Variants in DLG2 observed in about 807,000 individuals in gnomAD.
DLG2 encodes disks large homolog 2.
In DLG2, 45 loss-of-function variants were observed where a neutral mutation model predicts 132.5. That is an observed-to-expected ratio of 0.34 (90% CI 0.27 to 0.44). The LOEUF is 0.44. Among genes scored for constraint, DLG2 ranks in the 20% least tolerant of loss-of-function variants. DLG2 has a pLI of 1.00. For missense variants in DLG2, 1,045 were observed against 1,196.9 expected (o/e 0.87, Z 1.87); for synonymous variants, 424 against 419.6 (o/e 1.01, Z -0.13).
At chr11:85,538,032 C>T (rs541680952) in intron 3 of DLG2, among the ~76,000 whole-genome samples, 8 of 152,020 alleles carry the variant, frequency 5.3e-5, no homozygotes, top group South Asian at 4.1e-4. Flanking sequence ...AGGAGAATGG[C>T]GTGAACCCAG....
intron 6 of DLG2, among the ~76,000 whole-genome samples, chr11:85,048,806 A>G (rs142739203): frequency 5.1e-4 from 78 of 152,190 alleles, no homozygotes; most frequent in African/African-American, 1.8e-3. Context: ...AGATTAAAAA[A>G]TTACTTGCAT....
intron 14 of DLG2, among the ~76,000 whole-genome samples, chr11:83,959,119 T>C (rs781721493): frequency 4.6e-5 from 7 of 152,156 alleles, no homozygotes; most frequent in Non-Finnish European, 8.8e-5. Context: ...TACTAAGAGA[T>C]TGTATCCAAA....
At chr11:84,378,670 C>T (rs1278190829) in intron 7 of DLG2, among the ~76,000 whole-genome samples, 1 of 151,876 alleles carries the variant, frequency 6.6e-6, no homozygotes, top group East Asian at 1.9e-4. Flanking sequence ...GTGGCTCACA[C>T]CTGTAATCTC....
chr11:83,791,618 G>A, intron 17 of DLG2: 1 of 384,200 alleles, frequency 2.6e-6, no homozygotes, highest in East Asian at 6.6e-5. Flanking sequence ...AAATACTAGG[G>A]GATTCACTTC....
rs10635194 is a variant in DLG2, at chr11:83,668,867, A to ATTTTTT, written c.1826-35548_1826-35543dup. Among the ~76,000 whole-genome samples the ATTTTTT allele has an allele frequency of 2.7e-4, 30 of 110,386 alleles. 2 individuals are homozygous for ATTTTTT. The highest frequency in any genetic ancestry group is 1.0e-3 in the African/African-American group (29 of 28,182). 72.4% of individuals were successfully genotyped at this position (110,386 alleles called of 152,430 possible). The stretch of plus-strand genomic sequence containing the variant: ...CACACACACATATATATATATATAT[A>ATTTTTT]TTTTTTTTTTATGATAGACTATGAG... On this transcript the variant is annotated intron_variant, in intron 18 of 27. Coordinates refer to ENST00000376104, the MANE Select transcript of DLG2 (RefSeq NM_001142699.3).
chr11:84,184,289 C>T (rs1293542043), intron 8 of DLG2, among the ~76,000 whole-genome samples: 2 of 151,012 alleles, frequency 1.3e-5, no homozygotes, highest in Admixed American at 1.3e-4. Flanking sequence ...GAGATGGTAT[C>T]TCATTGTGGT....
chr11:83,596,151 A>G (rs2057538674), intron 19 of DLG2, among the ~76,000 whole-genome samples: 2 of 152,224 alleles, frequency 1.3e-5, no homozygotes, highest in African/African-American at 4.8e-5. Flanking sequence ...AGATTTAACT[A>G]TGACTATGAC....
intron 6 of DLG2, among the ~76,000 whole-genome samples, chr11:84,700,944 T>C (rs988808240): frequency 1.3e-5 from 2 of 151,548 alleles, no homozygotes; most frequent in Non-Finnish European, 3.0e-5. Context: ...CACCAAGACA[T>C]ATGTACCGGT....
At chr11:84,214,753 CAACT>C (rs1182447586) in intron 8 of DLG2, among the ~76,000 whole-genome samples, 2 of 152,100 alleles carry the variant, frequency 1.3e-5, no homozygotes, top group East Asian at 1.9e-4. Context: ...GCAGATTAAC[CAACT>C]GTCTGGAATT....
chr11:85,517,549 C>A (rs933022709), intron 3 of DLG2, among the ~76,000 whole-genome samples: 1 of 151,460 alleles, frequency 6.6e-6, no homozygotes, highest in African/African-American at 2.4e-5. Flanking sequence ...CTTTGGGAAA[C>A]AAATTCAGTA....
intron 7 of DLG2, among the ~76,000 whole-genome samples, chr11:84,267,312 GA>G (rs1227141920): frequency 1.3e-5 from 2 of 152,178 alleles, no homozygotes; most frequent in African/African-American, 4.8e-5. Flanking sequence ...AGTAAGGAGG[GA>G]AAAGGCATGT....
chr11:85,346,158 A>C (rs2082829181), intron 3 of DLG2, among the ~76,000 whole-genome samples: 2 of 151,860 alleles, frequency 1.3e-5, no homozygotes, highest in Admixed American at 6.6e-5. Flanking sequence ...CTCTGCTACA[A>C]GGGTTTGTGA....
At chr11:85,073,990 C>G (rs1032627083) in intron 6 of DLG2, among the ~76,000 whole-genome samples, 1 of 151,790 alleles carries the variant, frequency 6.6e-6, no homozygotes, top group South Asian at 2.1e-4. Flanking sequence ...TGAACCAACA[C>G]AGGAACAGAA....
At chr11:85,191,162 G>GCACACACACACACACA (rs3067460) in intron 4 of DLG2, among the ~76,000 whole-genome samples, 19 of 139,924 alleles carry the variant, frequency 1.4e-4, no homozygotes, top group African/African-American at 3.9e-4. Flanking sequence ...GCGCACGCGC[G>GCACACACACACACACA]CACACACACA....
chr11:83,780,331 T>A (rs574083541), intron 18 of DLG2, among the ~76,000 whole-genome samples: 1 of 152,202 alleles, frequency 6.6e-6, no homozygotes, highest in Non-Finnish European at 1.5e-5. Context: ...GGTGTCCAAC[T>A]GTGGTTTAAG....
intron 7 of DLG2, among the ~76,000 whole-genome samples, chr11:84,265,967 C>A (rs998635563): frequency 1.3e-5 from 2 of 152,046 alleles, no homozygotes; most frequent in Admixed American, 6.6e-5. Flanking sequence ...GAACAGCTGT[C>A]TATTTTTCTG....
At chr11:84,961,276 T>C (rs1349848826) in intron 6 of DLG2, among the ~76,000 whole-genome samples, 1 of 151,814 alleles carries the variant, frequency 6.6e-6, no homozygotes, top group Non-Finnish European at 1.5e-5. Context: ...ACACAGGGTA[T>C]CATACCAGTG....
chr11:84,393,234 G>T (rs1379584041), intron 7 of DLG2, among the ~76,000 whole-genome samples: 1 of 151,956 alleles, frequency 6.6e-6, no homozygotes, highest in African/African-American at 2.4e-5. Flanking sequence ...AGAAAAACTT[G>T]TATAGCAAAG....
chr11:84,437,719 T>A (rs2099005177), intron 7 of DLG2: 1 of 152,182 alleles, frequency 6.6e-6, no homozygotes, highest in Non-Finnish European at 1.5e-5. Context: ...AGGCGCTGCC[T>A]TTGTAGCCAG....
Sources: allele counts gnomAD v4.1 joint callset (sites outside exome capture counted in the v4.1 genomes callset), GRCh38; gene constraint gnomAD v4.1.1; transcripts MANE v1.5; gene names NCBI Gene and HGNC (gene_info 2026-07-23, HGNC 2026-07-21).